SPATS1: variants seen among roughly 807,000 people sequenced by gnomAD.
The protein encoded by SPATS1 is spermatogenesis associated serine rich 1.
SPATS1 carries 23 observed loss-of-function variants against 33.6 expected under a neutral mutation model. The ratio of observed to expected loss-of-function variants is 0.68; its 90% CI spans 0.49 to 0.97. The LOEUF is 0.97. Among genes scored for constraint, SPATS1 ranks in the 50% least tolerant of loss-of-function variants. The probability of loss-of-function intolerance (pLI) is 0.00; values close to 1 mark genes in which losing one functional copy is unlikely to be tolerated. For synonymous variants in SPATS1, 131 were observed against 125.6 expected (o/e 1.04, Z -0.29); for missense variants, 327 against 361.0 (o/e 0.91, Z 0.76).
chr6:44,364,846 G>A (rs1277600205), intron 5 of SPATS1, among the ~76,000 whole-genome samples: 1 of 149,416 alleles, frequency 6.7e-6, no homozygotes, highest in East Asian at 2.0e-4. Flanking sequence ...CACCCAGGCT[G>A]GAGTGCAGTA....
At chr6:44,375,781 G>T (rs1393292244) in intron 7 of SPATS1, among the ~76,000 whole-genome samples, 1 of 151,626 alleles carries the variant, frequency 6.6e-6, no homozygotes, top group African/African-American at 2.4e-5. Context: ...CAGCCTGGGC[G>T]ACAGAGTGAG....
At chr6:44,345,940 T>A (rs983540618) in intron 2 of SPATS1, among the ~76,000 whole-genome samples, 1 of 152,148 alleles carries the variant, frequency 6.6e-6, no homozygotes, top group Non-Finnish European at 1.5e-5. Flanking sequence ...AACACCTGGG[T>A]GTTTGCAAAC....
intron 7 of SPATS1, among the ~76,000 whole-genome samples, chr6:44,373,279 G>C (rs747434197): frequency 6.6e-6 from 1 of 152,130 alleles, no homozygotes; most frequent in Non-Finnish European, 1.5e-5. Context: ...TGTGCCTCCA[G>C]GCAAAGCTGG....
In SPATS1 at chr6:44,380,009, G is replaced by A. The variant is rs1436050216; in HGVS notation, c.*2946G>A. Among the ~76,000 whole-genome samples the A allele has an allele frequency of 1.3e-5, 2 of 152,084 alleles. No individual in the cohort carries two copies. The highest frequency in any genetic ancestry group is 2.9e-5 in the Non-Finnish European group (2 of 68,022). On this transcript the variant is annotated 3_prime_UTR_variant, in exon 9 of 9. Transcript: ENST00000674044. ...CTTTGGACAGCATGAGTATGTCTAC[G>A]TGTGTGGGGAGACAAAGGCATAGAG...
chr6:44,365,213 G>T (rs1176536712), intron 5 of SPATS1, among the ~76,000 whole-genome samples: 2 of 152,200 alleles, frequency 1.3e-5, no homozygotes, highest in Non-Finnish European at 2.9e-5. Flanking sequence ...TTTAAATAAT[G>T]GTTGACTGTT....
rs918236178 is a variant in SPATS1, at chr6:44,369,246, A to G, written c.695+747A>G. ...TAATGATGTTGACTAAAAATGATCA[A>G]AACTAAAATCTGTGGGCCGGGCGCG... On this transcript the variant is annotated intron_variant, in intron 6 of 8. Transcript: ENST00000674044. Among the ~76,000 whole-genome samples the G allele has an allele frequency of 5.3e-5, 8 of 152,138 alleles. No individual in the cohort carries two copies. In the East Asian group the frequency reaches 1.5e-3, roughly 29 times the overall value.
intron 5 of SPATS1, among the ~76,000 whole-genome samples, chr6:44,368,108 TCACC>T (rs1789358108): frequency 6.6e-6 from 1 of 152,212 alleles, no homozygotes; most frequent in Admixed American, 6.5e-5. Flanking sequence ...AACCTCTGAT[TCACC>T]TTATATTTTA....
At chr6:44,348,015 T>G (rs948878739) in intron 2 of SPATS1, among the ~76,000 whole-genome samples, 3 of 138,086 alleles carry the variant, frequency 2.2e-5, no homozygotes, top group African/African-American at 3.1e-5. Context: ...ATTATTTTTG[T>G]TTTTTTTTTG....
chr6:44,354,047 A>AAC (rs1331211507), intron 3 of SPATS1, among the ~76,000 whole-genome samples: 2 of 150,240 alleles, frequency 1.3e-5, no homozygotes, highest in Admixed American at 6.6e-5. Flanking sequence ...CAAAAAAAAA[A>AAC]AAAAAACAAA....
chr6:44,344,342 G>A (rs1001238755), intron 2 of SPATS1, among the ~76,000 whole-genome samples: 1 of 151,802 alleles, frequency 6.6e-6, no homozygotes, highest in African/African-American at 2.4e-5. Context: ...TTAACATGGA[G>A]TCTATGGATT....
At chr6:44,375,642 T>G (rs1789888273) in intron 7 of SPATS1, among the ~76,000 whole-genome samples, 1 of 152,012 alleles carries the variant, frequency 6.6e-6, no homozygotes, top group Admixed American at 6.6e-5. Context: ...AAGCCCCATC[T>G]CTACTAAAAA....
chr6:44,365,404 C>T lies in SPATS1; in HGVS notation c.575-2975C>T, dbSNP rs148055440. Among the ~76,000 whole-genome samples the T allele has an allele frequency of 9.1e-4, 138 of 152,246 alleles. 1 individual carries two copies. The highest frequency in any genetic ancestry group is 4.6e-3 in the Admixed American group (70 of 15,288). On this transcript the variant is annotated intron_variant, in intron 5 of 8. Coordinates refer to ENST00000674044, the MANE Select transcript of SPATS1 (RefSeq NM_001372081.1). The stretch of plus-strand genomic sequence containing the variant: ...TTAGTCAGAATAGGATAGATTCTGC[C>T]GCAGTAACAGTCCCTGAAATCTCTG...
At chr6:44,375,294 C>G (rs905643624) in intron 7 of SPATS1, among the ~76,000 whole-genome samples, 2 of 152,158 alleles carry the variant, frequency 1.3e-5, no homozygotes, top group Admixed American at 6.5e-5. Context: ...CAGTGGGAAG[C>G]GTTACTACTC....
At chr6:44,374,417 T>A (rs1329639272) in intron 7 of SPATS1, among the ~76,000 whole-genome samples, 2 of 152,242 alleles carry the variant, frequency 1.3e-5, no homozygotes, top group African/African-American at 2.4e-5. Flanking sequence ...ATTTAATACT[T>A]TTTGTCCTAA....
chr6:44,346,401 T>A (rs1787886570), intron 2 of SPATS1, among the ~76,000 whole-genome samples: 1 of 152,212 alleles, frequency 6.6e-6, no homozygotes, highest in Non-Finnish European at 1.5e-5. Context: ...TTTATCTTAT[T>A]CTGAGATGGG....
At chr6:44,370,834 T>C (rs957923007) in intron 7 of SPATS1, among the ~76,000 whole-genome samples, 3 of 152,162 alleles carry the variant, frequency 2.0e-5, no homozygotes, top group Non-Finnish European at 4.4e-5. Context: ...ATAAACACTA[T>C]TCTAGAATAT....
Position 44,357,074 on chromosome 6 carries a change from T to C in SPATS1, c.288-3372T>C, listed in dbSNP as rs528109463. ...TATTTAATGATATTCCATTAAAGCT[T>C]GATAAAAAAGAGTCCCCCTTCATAT... On this transcript the variant is annotated intron_variant, in intron 3 of 8. Transcript: ENST00000674044. Among the ~76,000 whole-genome samples the C allele has an allele frequency of 9.8e-5, 15 of 152,348 alleles. No individual in the cohort carries two copies. In the East Asian group the frequency reaches 2.9e-3, roughly 29 times the overall value.
At chr6:44,355,599 C>T (rs9472263) in intron 3 of SPATS1, among the ~76,000 whole-genome samples, 119,164 of 152,144 alleles carry the variant, frequency 0.78, 46,761 homozygotes, top group Admixed American at 0.81. Flanking sequence ...AATGCGTGTC[C>T]CTGTACATTC....
intron 3 of SPATS1, among the ~76,000 whole-genome samples, chr6:44,359,717 G>GC (rs1218350744): frequency 2.6e-5 from 4 of 151,892 alleles, no homozygotes; most frequent in Admixed American, 2.0e-4. Context: ...TTACAGGCAT[G>GC]CACTACCATG....
Sources: gnomAD v4.1 joint callset for allele counts (sites outside exome capture counted in the v4.1 genomes callset) on GRCh38, gnomAD v4.1.1 for gene constraint, MANE v1.5 for transcripts, NCBI Gene and HGNC (gene_info 2026-07-23, HGNC 2026-07-21) for gene names.